Variants in CSRP1 observed in about 807,000 individuals in gnomAD.
The protein encoded by CSRP1 is cysteine and glycine-rich protein 1.
In CSRP1, 16 loss-of-function variants were observed where a neutral mutation model predicts 25.4. That is an observed-to-expected ratio of 0.63 (90% CI 0.43 to 0.96). The LOEUF is 0.96. Among genes scored for constraint, CSRP1 ranks in the 40% least tolerant of loss-of-function variants. The pLI is 0.00. For missense variants in CSRP1, 212 were observed against 243.6 expected (o/e 0.87, Z 0.86); for synonymous variants, 97 against 95.3 (o/e 1.02, Z -0.10).
chr1:201,485,729 AGTGGT>A, intron 4 of CSRP1: 1 of 276,158 alleles, frequency 3.6e-6, no homozygotes, highest in Non-Finnish European at 7.1e-6. Flanking sequence ...CCAGTAGATC[AGTGGT>A]GTGAGCCAGG....
At position 201,490,743 on chromosome 1, in the gene CSRP1, A is replaced by G. The variant is rs538753655; in HGVS notation, c.113-399T>C. On this transcript the variant is annotated intron_variant, in intron 2 of 5. Coordinates refer to ENST00000340006, the MANE Select transcript of CSRP1 (RefSeq NM_004078.3). The stretch of plus-strand genomic sequence containing the variant: ...CAGAGACCATATGTCCCAATGGGGG[A>G]GGAGGAAAAAGAAAAGAAGGGCAGT... The G allele has an allele frequency of 3.5e-3, 555 of 160,754 alleles. 11 individuals carry two copies. The South Asian group carries it at 0.056, about 16-fold the overall frequency. 10.0% of individuals were successfully genotyped at this position (160,754 alleles called of 1,614,324 possible). A position where few individuals can be genotyped will look rare whatever the true frequency, so the allele number is the denominator to read the frequency against.
intron 1 of CSRP1, among the ~76,000 whole-genome samples, chr1:201,504,526 C>T (rs1158920405): frequency 6.6e-6 from 1 of 152,190 alleles, no homozygotes. Flanking sequence ...AAATATTTAA[C>T]GCATGTGTCT....
chr1:201,501,452 T>G (rs1664667246), intron 1 of CSRP1, among the ~76,000 whole-genome samples: 1 of 152,200 alleles, frequency 6.6e-6, no homozygotes. Context: ...GAGCTTGAAT[T>G]TTCTACTGAA....
intron 1 of CSRP1, among the ~76,000 whole-genome samples, chr1:201,498,352 G>A (rs747815290): frequency 2.1e-4 from 32 of 152,344 alleles, no homozygotes; most frequent in Non-Finnish European, 3.7e-4. Context: ...TGGTGCCGGG[G>A]GTTGCCCAGG....
At chr1:201,506,517 C>T (rs1304601462) in intron 1 of CSRP1, 1 of 152,278 alleles carries the variant, frequency 6.6e-6, no homozygotes, top group Non-Finnish European at 1.5e-5. Flanking sequence ...GGCCACAAAA[C>T]ACTGACTGCA....
intron 2 of CSRP1, chr1:201,492,707 GA>G: frequency 6.6e-6 from 1 of 152,384 alleles, no homozygotes; most frequent in Non-Finnish European, 1.5e-5. Context: ...CTTCTGGAAG[GA>G]AAACCGAGGC....
At chr1:201,502,379 G>A (rs1034566815) in intron 1 of CSRP1, among the ~76,000 whole-genome samples, 1 of 152,184 alleles carries the variant, frequency 6.6e-6, no homozygotes, top group Non-Finnish European at 1.5e-5. Context: ...TTGCCTCCAC[G>A]CCCCAGTGTC....
chr1:201,487,786 G>C (rs149898714), intron 4 of CSRP1: 2 of 152,190 alleles, frequency 1.3e-5, no homozygotes, highest in Non-Finnish European at 2.9e-5. Context: ...GCGGATCTGG[G>C]CAAATTATGT....
chr1:201,487,736 CA>C (rs1282662107), intron 4 of CSRP1: 2 of 152,210 alleles, frequency 1.3e-5, no homozygotes, highest in Non-Finnish European at 2.9e-5. Context: ...CGGAGTCAGA[CA>C]AACCTGGGCT....
At chr1:201,501,057 T>C (rs1664655738) in intron 1 of CSRP1, among the ~76,000 whole-genome samples, 2 of 152,200 alleles carry the variant, frequency 1.3e-5, no homozygotes, top group African/African-American at 4.8e-5. Flanking sequence ...TACTTTCCTT[T>C]CTGAGTGTCA....
At chr1:201,485,216 G>T in intron 5 of CSRP1, 67 bp downstream of exon 5, 1 of 1,381,646 alleles carries the variant, frequency 7.2e-7, no homozygotes, top group Non-Finnish European at 1.0e-6. Context: ...TTCAGCAAAG[G>T]CAAAACTACT....
rs564942293 is a variant in CSRP1 at position 201,497,829 on chromosome 1, G to A, written c.-1-1525C>T. ...GTTTGAGACCAGCCTGACCAACATG[G>A]TGAAAACCTGTCTCTACTAAAAATA... is the stretch of plus-strand genomic sequence containing the variant. On this transcript the variant is annotated intron_variant, in intron 1 of 5. Transcript: ENST00000340006. 2.6e-5 allele frequency among the ~76,000 whole-genome samples: 4 copies of A among 152,188 alleles called. No individual in the cohort carries two copies. The South Asian group carries it at 8.3e-4, about 32-fold the overall frequency.
At chr1:201,497,229 C>T (rs1278105755) in intron 1 of CSRP1, among the ~76,000 whole-genome samples, 3 of 151,514 alleles carry the variant, frequency 2.0e-5, no homozygotes, top group Non-Finnish European at 2.9e-5. Context: ...TGTGGTGGTG[C>T]GCCCCTGTAA....
rs989570365 is a variant in CSRP1, at chr1:201,499,761, G to A, written c.-1-3457C>T. On this transcript the variant is annotated intron_variant, in intron 1 of 5. Coordinates refer to ENST00000340006, the MANE Select transcript of CSRP1 (RefSeq NM_004078.3). ...CTCCTGAGTAGCTGGGATTATAGGC[G>A]CCCGCCACCACCACCATACCCGGCT... Among the ~76,000 whole-genome samples, 92 of 152,060 alleles carry A rather than the reference G, an allele frequency of 6.1e-4. 1 individual carries two copies. The highest frequency in any genetic ancestry group is 1.9e-3 in the Admixed American group (29 of 15,262).
At chr1:201,493,976 T>C (rs1010245635) in intron 2 of CSRP1, among the ~76,000 whole-genome samples, 3 of 152,166 alleles carry the variant, frequency 2.0e-5, no homozygotes, top group African/African-American at 7.2e-5. Context: ...CTGGGACATG[T>C]GCAGTGCTAG....
intron 1 of CSRP1, among the ~76,000 whole-genome samples, chr1:201,499,173 G>C (rs2102413762): frequency 6.6e-6 from 1 of 152,342 alleles, no homozygotes; most frequent in African/African-American, 2.4e-5. Flanking sequence ...AAGGTTTGGA[G>C]CTGAAAACCG....
chr1:201,485,254 G>A, intron 5 of CSRP1, 29 bp downstream of exon 5: 3 of 1,607,804 alleles, frequency 1.9e-6, no homozygotes, highest in Non-Finnish European at 2.6e-6. Flanking sequence ...TGGGCCTCCT[G>A]ACCCTCAATT....
In CSRP1 at chr1:201,484,477, A is replaced by G. The variant is rs1664068859; in HGVS notation, c.*236T>C. ...GGGGCCTGCTCTCACCTAGACCCAA[A>G]ACACTGAGGTCTCCTACTGGTGATG... On this transcript the variant is annotated 3_prime_UTR_variant, in exon 6 of 6. Coordinates refer to ENST00000340006, the MANE Select transcript of CSRP1 (RefSeq NM_004078.3). 8 of 574,380 alleles carry G rather than the reference A, an allele frequency of 1.4e-5. No homozygotes were observed. The highest frequency in any genetic ancestry group is 8.9e-5 in the South Asian group (4 of 44,800). The allele number at this position is 574,380 out of a possible 1,614,324, so 35.6% of individuals were successfully genotyped here. A position where few individuals can be genotyped will look rare whatever the true frequency, so the allele number is the denominator to read the frequency against.
At chr1:201,500,005 T>C (rs1480294506) in intron 1 of CSRP1, among the ~76,000 whole-genome samples, 1 of 152,130 alleles carries the variant, frequency 6.6e-6, no homozygotes, top group Non-Finnish European at 1.5e-5. Flanking sequence ...CTCAGAGCGG[T>C]TAGGCAAGTT....
Sources: gnomAD v4.1 joint callset for allele counts (sites outside exome capture counted in the v4.1 genomes callset) on GRCh38, gnomAD v4.1.1 for gene constraint, MANE v1.5 for transcripts, NCBI Gene and HGNC (gene_info 2026-07-23, HGNC 2026-07-21) for gene names.